The following TTC27 variants were observed in gnomAD, a reference collection of about 807,000 sequenced individuals.
TTC27 encodes tetratricopeptide repeat domain 27.
Under a neutral mutation model 115.9 loss-of-function variants are expected in TTC27, and 79 were observed. The ratio of observed to expected loss-of-function variants is 0.68; its 90% CI spans 0.57 to 0.82. The LOEUF is 0.82. TTC27 is among the 40% of genes least tolerant of loss of function. The probability of loss-of-function intolerance (pLI) is 0.00; values close to 1 mark genes in which losing one functional copy is unlikely to be tolerated. For missense variants in TTC27, 1,054 were observed against 993.1 expected (o/e 1.06, Z -0.82); for synonymous variants, 401 against 356.0 (o/e 1.13, Z -1.42).
Position 32,758,476 on chromosome 2 carries a change from G to T in TTC27, c.1637G>T (p.Cys546Phe). The change falls in exon 13 of 20, where the codon TGT becomes TTT. Residue 546 changes from cysteine (C) to phenylalanine (F), a missense_variant. Cys to Phe is a radical substitution (Grantham distance 205). Coordinates refer to ENST00000317907, the MANE Select transcript of TTC27 (RefSeq NM_017735.5). The part of the protein sequence containing the change: ...LHLRNKEFQE[C>F]VECFERSVKI... Reference sequence around the variant, plus strand: ...CTTCGGAACAAGGAGTTTCAAGAGTGTGTAGAGTGCTTCGAACGCTCGGTT... The same window carrying T: ...CTTCGGAACAAGGAGTTTCAAGAGTTTGTAGAGTGCTTCGAACGCTCGGTT... 6.2e-7 allele frequency: 1 copy of T among 1,614,188 alleles called. No individual in the cohort carries two copies.
chr2:32,628,142 C>A lies in TTC27; in HGVS notation c.-151C>A. Reference sequence around the variant, plus strand: ...ATGGCCGCCTCCTTGAGGTAGTATCCGCACATGGAATTCTAGGGCCGCAGG... The same window carrying A: ...ATGGCCGCCTCCTTGAGGTAGTATCAGCACATGGAATTCTAGGGCCGCAGG... On this transcript the variant is annotated 5_prime_UTR_variant, in exon 1 of 20. Transcript: ENST00000317907. 1 of 701,662 alleles carries A rather than the reference C, an allele frequency of 1.4e-6. No homozygotes were observed. The highest frequency in any genetic ancestry group is 2.4e-6 in the Non-Finnish European group (1 of 414,380). The allele number at this position is 701,662 out of a possible 1,614,324, so 43.5% of individuals were successfully genotyped here. A position where few individuals can be genotyped will look rare whatever the true frequency, so the allele number is the denominator to read the frequency against.
intron 10 of TTC27, among the ~76,000 whole-genome samples, chr2:32,723,728 C>CTCCGTCCTTCCTTCCT (rs1454826952): frequency 0.038 from 1,110 of 29,542 alleles, 74 homozygotes; most frequent in Middle Eastern, 0.11. Flanking sequence ...CCCTCCCTCC[C>CTCCGTCCTTCCTTCCT]TCCTTCCTTC....
At chr2:32,674,352 T>C (rs1246862918) in intron 8 of TTC27, among the ~76,000 whole-genome samples, 1 of 152,062 alleles carries the variant, frequency 6.6e-6, no homozygotes, top group East Asian at 1.9e-4. Flanking sequence ...GGTTTTGCCA[T>C]GTTGACCAGG....
intron 10 of TTC27, among the ~76,000 whole-genome samples, chr2:32,714,518 C>G (rs1667693079): frequency 6.6e-6 from 1 of 152,084 alleles, no homozygotes; most frequent in Non-Finnish European, 1.5e-5. Flanking sequence ...TGAGTCCATG[C>G]CTTTGCTATT....
At chr2:32,668,176 G>T (rs1407508446) in intron 7 of TTC27, among the ~76,000 whole-genome samples, 1 of 151,622 alleles carries the variant, frequency 6.6e-6, no homozygotes, top group Non-Finnish European at 1.5e-5. Context: ...GGGTGACAGA[G>T]CAAGACTCCG....
intron 19 of TTC27, among the ~76,000 whole-genome samples, chr2:32,818,748 C>T (rs1410540828): frequency 2.0e-5 from 3 of 152,130 alleles, no homozygotes; most frequent in Non-Finnish European, 4.4e-5. Flanking sequence ...GACTTACTTC[C>T]GAGAGTAAGT....
chr2:32,817,295 A>G (rs373231396), intron 18 of TTC27, among the ~76,000 whole-genome samples, 162 bp from the exon 19 acceptor site: 1 of 152,148 alleles, frequency 6.6e-6, no homozygotes, highest in Non-Finnish European at 1.5e-5. Flanking sequence ...GGGAAAAGCT[A>G]TGTACATAAT....
chr2:32,639,996 T>C (rs1311305165), intron 3 of TTC27, among the ~76,000 whole-genome samples: 2 of 148,428 alleles, frequency 1.3e-5, no homozygotes, highest in African/African-American at 4.9e-5. Context: ...GAGACTCCCA[T>C]CTCAAAACAA....
intron 10 of TTC27, among the ~76,000 whole-genome samples, chr2:32,714,991 A>T (rs983624452): frequency 2.0e-5 from 3 of 151,940 alleles, no homozygotes; most frequent in African/African-American, 7.3e-5. Flanking sequence ...CCTTTGTTGG[A>T]TGCATTTGCA....
intron 10 of TTC27, among the ~76,000 whole-genome samples, chr2:32,732,068 A>T (rs1668310732): frequency 6.6e-6 from 1 of 152,190 alleles, no homozygotes; most frequent in Non-Finnish European, 1.5e-5. Context: ...TTCCAAAAAA[A>T]ACTGAATTGA....
At chr2:32,632,639 T>C (rs912083504) in intron 2 of TTC27, among the ~76,000 whole-genome samples, 1 of 152,264 alleles carries the variant, frequency 6.6e-6, no homozygotes, top group Non-Finnish European at 1.5e-5. Context: ...TCCAGAGTTT[T>C]ATATTTTTGC....
At chr2:32,708,473 A>T (rs1667462959) in intron 10 of TTC27, among the ~76,000 whole-genome samples, 1 of 151,194 alleles carries the variant, frequency 6.6e-6, no homozygotes, top group African/African-American at 2.4e-5. Flanking sequence ...CACCACAACC[A>T]GCTAATTTTT....
intron 10 of TTC27, among the ~76,000 whole-genome samples, chr2:32,720,023 C>T (rs1456058383): frequency 1.3e-5 from 2 of 152,156 alleles, no homozygotes; most frequent in South Asian, 2.1e-4. Flanking sequence ...TAACATAATA[C>T]GTGAATTATG....
At chr2:32,661,162 GT>G (rs1559192727) in intron 5 of TTC27, among the ~76,000 whole-genome samples, 9 of 152,130 alleles carry the variant, frequency 5.9e-5, no homozygotes, top group Non-Finnish European at 1.3e-4. Flanking sequence ...TGCTGTTTTG[GT>G]TACTGTAGCC....
chr2:32,665,924 G>A (rs931485028), intron 6 of TTC27, among the ~76,000 whole-genome samples: 9 of 152,140 alleles, frequency 5.9e-5, no homozygotes, highest in African/African-American at 2.2e-4. Flanking sequence ...AAAAAAGTAA[G>A]CTGTATCAAA....
intron 10 of TTC27, among the ~76,000 whole-genome samples, chr2:32,726,293 G>T (rs180716158): frequency 1.3e-5 from 2 of 152,140 alleles, no homozygotes; most frequent in Non-Finnish European, 2.9e-5. Context: ...CAAATTTTCC[G>T]AACTTTTATG....
intron 10 of TTC27, among the ~76,000 whole-genome samples, chr2:32,728,032 T>G: frequency 7.0e-6 from 1 of 142,906 alleles, no homozygotes; most frequent in South Asian, 2.2e-4. Flanking sequence ...CTGAGAGGAC[T>G]GCCTCTTTTT....
chr2:32,790,467 A>G (rs965206311), intron 16 of TTC27, among the ~76,000 whole-genome samples: 1 of 152,182 alleles, frequency 6.6e-6, no homozygotes, highest in African/African-American at 2.4e-5. Context: ...CTCTAATTGT[A>G]TACATCTATG....
intron 6 of TTC27, 50 bp from the exon 7 acceptor site, chr2:32,666,585 C>T (rs529656577): frequency 3.1e-6 from 5 of 1,592,938 alleles, no homozygotes; most frequent in East Asian, 4.5e-5. Flanking sequence ...CATGACTGTA[C>T]AGTAGATCTC....
Sources: gnomAD v4.1 joint callset for allele counts (sites outside exome capture counted in the v4.1 genomes callset) on GRCh38, gnomAD v4.1.1 for gene constraint, MANE v1.5 for transcripts, NCBI Gene and HGNC (gene_info 2026-07-23, HGNC 2026-07-21) for gene names.